The following SLC12A2 variants were observed in gnomAD, a reference collection of about 807,000 sequenced individuals.
SLC12A2 encodes the protein Na-K-2Cl cotransporter 1.
A neutral mutation model predicts 136.3 loss-of-function variants in SLC12A2; 67 were observed. The ratio of observed to expected loss-of-function variants is 0.49; its 90% CI spans 0.40 to 0.60. The LOEUF (loss-of-function observed/expected upper bound fraction) is 0.60. Among genes scored for constraint, SLC12A2 ranks in the 20% least tolerant of loss-of-function variants. The probability of loss-of-function intolerance (pLI) is 0.00; values close to 1 mark genes in which losing one functional copy is unlikely to be tolerated. For missense variants in SLC12A2, 1,322 were observed against 1,534.7 expected, an observed-to-expected ratio of 0.86 and a Z score of 2.32; for synonymous variants, 619 against 562.9, an observed-to-expected ratio of 1.10 and a Z score of -1.41.
intron 23 of SLC12A2, among the ~76,000 whole-genome samples, chr5:128,182,257 A>G (rs962883223): frequency 6.6e-6 from 1 of 152,170 alleles, no homozygotes; most frequent in Non-Finnish European, 1.5e-5. Flanking sequence ...TTTTGTATAT[A>G]TGTGCACTTC....
chr5:128,184,583 G>A, intron 25 of SLC12A2, 82 bp downstream of exon 25: 1 of 1,321,544 alleles, frequency 7.6e-7, no homozygotes, highest in Non-Finnish European at 1.0e-6. Context: ...GATATAGGAG[G>A]GTCAGTTGTA....
intron 3 of SLC12A2, 68 bp downstream of exon 3, chr5:128,114,355 A>G (rs568660995): frequency 5.9e-5 from 70 of 1,192,124 alleles, no homozygotes; most frequent in Non-Finnish European, 7.5e-5. Flanking sequence ...TCTTAACCTC[A>G]TGAAACTCAA....
chr5:128,115,317 G>A (rs184925486), intron 4 of SLC12A2, among the ~76,000 whole-genome samples: 9 of 152,214 alleles, frequency 5.9e-5, no homozygotes, highest in Non-Finnish European at 1.2e-4. Flanking sequence ...TAGAGATGGC[G>A]TTTTGCCATG....
At chr5:128,096,123 C>G (rs1241410006) in intron 1 of SLC12A2, among the ~76,000 whole-genome samples, 1 of 151,990 alleles carries the variant, frequency 6.6e-6, no homozygotes, top group Non-Finnish European at 1.5e-5. Context: ...GACTCAGAAG[C>G]TAGTATCAAC....
chr5:128,083,872 G>T lies in SLC12A2; in HGVS notation c.-83G>T. ...CTCTCTCACCTGGTCTTGCGGCTGT[G>T]GCCACCGCCGGCCAGGGGTGTGGAG... On this transcript the variant is annotated 5_prime_UTR_variant, in exon 1 of 27. Transcript: ENST00000262461. 1 of 1,047,456 alleles carries T rather than the reference G, an allele frequency of 9.5e-7. No homozygotes were observed. The highest frequency in any genetic ancestry group is 1.2e-6 in the Non-Finnish European group (1 of 825,450). The allele number at this position is 1,047,456 out of a possible 1,614,324, so 64.9% of individuals were successfully genotyped here. A position where few individuals can be genotyped will look rare whatever the true frequency, so the allele number is the denominator to read the frequency against.
At chr5:128,106,685 A>C (rs1237616438) in intron 1 of SLC12A2, among the ~76,000 whole-genome samples, 3 of 152,142 alleles carry the variant, frequency 2.0e-5, no homozygotes, top group African/African-American at 7.2e-5. Flanking sequence ...ATACTGGAAA[A>C]TTTTACTTTG....
At chr5:128,179,039 C>T (rs923491092) in intron 22 of SLC12A2, among the ~76,000 whole-genome samples, 5 of 152,164 alleles carry the variant, frequency 3.3e-5, no homozygotes, top group African/African-American at 1.2e-4. Flanking sequence ...TGATGCTGTG[C>T]TCTTCTGTCT....
At chr5:128,179,257 C>G (rs1180220003) in intron 22 of SLC12A2, among the ~76,000 whole-genome samples, 1 of 152,162 alleles carries the variant, frequency 6.6e-6, no homozygotes, top group African/African-American at 2.4e-5. Context: ...TCTTTAGGAT[C>G]CATTGATGTT....
At chr5:128,131,590 G>C (rs1762025348) in intron 5 of SLC12A2, among the ~76,000 whole-genome samples, 1 of 151,842 alleles carries the variant, frequency 6.6e-6, no homozygotes, top group African/African-American at 2.4e-5. Context: ...TGTAGTCCCA[G>C]CTACTGGGGA....
intron 1 of SLC12A2, among the ~76,000 whole-genome samples, chr5:128,091,935 G>T (rs1287116169): frequency 6.6e-6 from 1 of 152,162 alleles, no homozygotes; most frequent in Non-Finnish European, 1.5e-5. Flanking sequence ...ATAGTTCTTT[G>T]TTGGGTAAGT....
At chr5:128,097,680 T>G (rs570424627) in intron 1 of SLC12A2, among the ~76,000 whole-genome samples, 1 of 152,260 alleles carries the variant, frequency 6.6e-6, no homozygotes, top group South Asian at 2.1e-4. Flanking sequence ...TTTAAAACAG[T>G]ACTTTCTCTT....
chr5:128,166,066 T>A (rs1445327215), intron 17 of SLC12A2, among the ~76,000 whole-genome samples: 1 of 152,048 alleles, frequency 6.6e-6, no homozygotes, highest in East Asian at 1.9e-4. Context: ...AGTCTGTATA[T>A]GGATGGAACA....
intron 19 of SLC12A2, among the ~76,000 whole-genome samples, chr5:128,172,207 T>C (rs1043421142): frequency 2.6e-5 from 4 of 152,206 alleles, no homozygotes; most frequent in African/African-American, 4.8e-5. Flanking sequence ...AAAAACATTT[T>C]TTAATTTAAA....
intron 1 of SLC12A2, among the ~76,000 whole-genome samples, chr5:128,088,617 A>G (rs904974643): frequency 1.3e-5 from 2 of 152,122 alleles, no homozygotes; most frequent in East Asian, 3.8e-4. Flanking sequence ...GCTAAACCAT[A>G]ATTTCTAATA....
intron 16 of SLC12A2, among the ~76,000 whole-genome samples, chr5:128,160,207 G>T (rs994459465): frequency 6.6e-6 from 1 of 152,038 alleles, no homozygotes; most frequent in Admixed American, 6.6e-5. Flanking sequence ...ACGGACACAG[G>T]GAGGGGAACA....
chr5:128,083,977 C>T lies in SLC12A2; in HGVS notation c.23C>T (p.Pro8Leu), dbSNP rs1262237079. The stretch of plus-strand genomic sequence containing the variant: ...GCTATGGAGCCGCGGCCCACGGCGC[C>T]CTCCTCCGGCGCCCCGGGACTGGCC... The part of the protein sequence containing the change: MEPRPTA[P>L]SSGAPGLAGV... The change falls in exon 1 of 27, where the codon CCC (proline) becomes CTC (leucine). Residue 8 changes from proline to leucine, a missense_variant. Physicochemically the swap from Pro to Leu is moderately conservative, Grantham distance 98. This residue lies in a region of SLC12A2 where 358 missense variants were observed against 299.7 expected (regional missense o/e 1.19). Transcript: ENST00000262461. The T allele has an allele frequency of 1.6e-6, 2 of 1,241,606 alleles. No homozygotes were observed. Among genetic ancestry groups the T allele is most frequent in the Non-Finnish European group, 1.0e-6 (1 of 993,186 alleles). The allele number at this position is 1,241,606 out of a possible 1,614,324, so 76.9% of individuals were successfully genotyped here.
Position 128,084,738 on chromosome 5 carries a change from C to T in SLC12A2, c.756+28C>T. The T allele has an allele frequency of 6.5e-7, 1 of 1,530,788 alleles. No individual in the cohort carries two copies. Among genetic ancestry groups the T allele is most frequent in the Non-Finnish European group, 8.8e-7 (1 of 1,135,608 alleles). The allele number at this position is 1,530,788 out of a possible 1,614,324, so 94.8% of individuals were successfully genotyped here. A position where few individuals can be genotyped will look rare whatever the true frequency, so the allele number is the denominator to read the frequency against. On this transcript the variant is annotated intron_variant, in intron 1 of 26. Transcript: ENST00000262461. This position sits in a 1 kb window ranked among gnomAD's most constrained non-coding sequence, Gnocchi z 5.6. ...GAGCTCGCCCAGCCCTCCCTTCTTC[C>T]CCAGCCCCTGGTGCATGCCGACCGC...
At chr5:128,116,999 A>G (rs972836325) in intron 4 of SLC12A2, among the ~76,000 whole-genome samples, 18 of 152,230 alleles carry the variant, frequency 1.2e-4, no homozygotes, top group Admixed American at 1.1e-3. Flanking sequence ...TTCTAAATTG[A>G]AAGTATTAGT....
chr5:128,132,912 G>A (rs1386111792), intron 5 of SLC12A2, among the ~76,000 whole-genome samples: 1 of 151,924 alleles, frequency 6.6e-6, no homozygotes, highest in Non-Finnish European at 1.5e-5. Context: ...ACATGTTTTT[G>A]TTTCATGGAA....
Sources: gnomAD v4.1 joint callset for allele counts (sites outside exome capture counted in the v4.1 genomes callset) on GRCh38, gnomAD v4.1.1 for gene constraint, gnomAD v4.1.1 regional missense constraint, Gnocchi (gnomAD v3.1) non-coding constraint, MANE v1.5 for transcripts, NCBI Gene and HGNC (gene_info 2026-07-23, HGNC 2026-07-21) for gene names.